HS3ST4: variants seen among roughly 807,000 people sequenced by gnomAD.
HS3ST4 encodes heparan sulfate-glucosamine 3-sulfotransferase 4, also known as heparan sulfate glucosamine 3-O-sulfotransferase 4.
A neutral mutation model predicts 29.2 loss-of-function variants in HS3ST4; 17 were observed. The ratio of observed to expected loss-of-function variants is 0.58; its 90% CI spans 0.40 to 0.87. The LOEUF is 0.87. Among genes scored for constraint, HS3ST4 ranks in the 40% least tolerant of loss-of-function variants. The pLI is 0.00. For missense variants in HS3ST4, 627 were observed against 634.5 expected (o/e 0.99, Z 0.13); for synonymous variants, 314 against 285.7 (o/e 1.10, Z -1.00).
chr16:26,030,479 A>G (rs1344413283), intron 1 of HS3ST4, among the ~76,000 whole-genome samples: 1 of 152,246 alleles, frequency 6.6e-6, no homozygotes, highest in Non-Finnish European at 1.5e-5. Context: ...AAATCAACGC[A>G]AAGCACCTGA....
intron 1 of HS3ST4, among the ~76,000 whole-genome samples, chr16:26,034,455 G>A (rs1021088899): frequency 6.6e-6 from 1 of 152,200 alleles, no homozygotes; most frequent in Admixed American, 6.5e-5. Flanking sequence ...CATGGATCCT[G>A]CTCTTATGCT....
intron 1 of HS3ST4, among the ~76,000 whole-genome samples, chr16:25,937,363 T>G (rs1028315443): frequency 1.3e-5 from 2 of 152,230 alleles, no homozygotes; most frequent in Non-Finnish European, 2.9e-5. Flanking sequence ...AGACTATTTA[T>G]TTTTACAAAC....
At chr16:26,068,938 A>G (rs1035049604) in intron 1 of HS3ST4, among the ~76,000 whole-genome samples, 2 of 152,000 alleles carry the variant, frequency 1.3e-5, no homozygotes, top group African/African-American at 4.8e-5. Flanking sequence ...ACTTCTGCCA[A>G]TATCTATATT....
At chr16:26,119,906 G>A (rs1354995813) in intron 1 of HS3ST4, among the ~76,000 whole-genome samples, 2 of 152,162 alleles carry the variant, frequency 1.3e-5, no homozygotes, top group South Asian at 2.1e-4. Context: ...ATAACAGCAA[G>A]CCGTAGGAAA....
intron 1 of HS3ST4, among the ~76,000 whole-genome samples, chr16:25,767,773 G>A (rs1294226523): frequency 6.6e-6 from 1 of 152,170 alleles, no homozygotes; most frequent in Non-Finnish European, 1.5e-5. Flanking sequence ...ATTTCTGAAT[G>A]GGAAGGGAAA....
chr16:25,934,988 G>A (rs1265289324), intron 1 of HS3ST4, among the ~76,000 whole-genome samples: 1 of 152,072 alleles, frequency 6.6e-6, no homozygotes, highest in African/African-American at 2.4e-5. Flanking sequence ...GATCATGAGG[G>A]TGGTTTCCCC....
intron 1 of HS3ST4, among the ~76,000 whole-genome samples, chr16:26,109,123 C>T (rs1899094348): frequency 1.3e-5 from 2 of 152,142 alleles, no homozygotes; most frequent in Non-Finnish European, 2.9e-5. Context: ...AATGCTCGTT[C>T]AATGCACTCT....
chr16:26,032,869 C>T lies in HS3ST4; in HGVS notation c.735-102743C>T, dbSNP rs143387660. ...GCTGGACGCGGGATGCAGTGGCGCGCGGGCTTTGGTCGGTCTGGGGGTCGT... is the reference window on the plus strand; with the variant it reads ...GCTGGACGCGGGATGCAGTGGCGCGTGGGCTTTGGTCGGTCTGGGGGTCGT... On this transcript the variant is annotated intron_variant, in intron 1 of 1. Coordinates refer to ENST00000331351, the MANE Select transcript of HS3ST4 (RefSeq NM_006040.3). The T allele has an allele frequency of 5.7e-4, 875 of 1,530,658 alleles. 3 individuals carry two copies. The African/African-American group carries it at 1.0e-2, about 17-fold the overall frequency. 94.8% of individuals were successfully genotyped at this position (1,530,658 alleles called of 1,614,324 possible).
intron 1 of HS3ST4, among the ~76,000 whole-genome samples, chr16:25,760,148 A>T (rs1966780757): frequency 6.6e-6 from 1 of 152,082 alleles, no homozygotes; most frequent in Non-Finnish European, 1.5e-5. Flanking sequence ...CCCTAACCCT[A>T]ACCCTAACAC....
intron 1 of HS3ST4, among the ~76,000 whole-genome samples, chr16:25,863,256 C>A (rs968864332): frequency 2.0e-5 from 3 of 151,936 alleles, no homozygotes; most frequent in African/African-American, 7.3e-5. Flanking sequence ...GCTAATTTTT[C>A]TATTTTAAGT....
At chr16:25,965,050 T>G (rs1393604134) in intron 1 of HS3ST4, among the ~76,000 whole-genome samples, 1 of 152,186 alleles carries the variant, frequency 6.6e-6, no homozygotes, top group Non-Finnish European at 1.5e-5. Flanking sequence ...ATTCACATGT[T>G]CACGCGAGAC....
intron 1 of HS3ST4, among the ~76,000 whole-genome samples, chr16:26,087,536 A>T (rs924754624): frequency 5.3e-5 from 8 of 151,918 alleles, no homozygotes; most frequent in African/African-American, 1.9e-4. Flanking sequence ...AGGTCCTCTG[A>T]TTGAAACCCT....
chr16:25,800,874 A>G (rs1167861431), intron 1 of HS3ST4, among the ~76,000 whole-genome samples: 1 of 152,168 alleles, frequency 6.6e-6, no homozygotes, highest in East Asian at 1.9e-4. Context: ...CAAAGCAGAA[A>G]ATGAGCCCTC....
At chr16:25,795,942 C>A (rs1051332957) in intron 1 of HS3ST4, among the ~76,000 whole-genome samples, 1 of 147,206 alleles carries the variant, frequency 6.8e-6, no homozygotes, top group Non-Finnish European at 1.5e-5. Flanking sequence ...ACTGTCAAAA[C>A]TCTTTTTTTT....
At position 26,134,523 on chromosome 16, in the gene HS3ST4, C is replaced by T. The variant is rs968834524; in HGVS notation, c.735-1089C>T. On this transcript the variant is annotated intron_variant, in intron 1 of 1. Transcript: ENST00000331351. ...GACTGCAGGCGCGTGCCACCATGCC[C>T]GGCTAATTTTTGTATTTTAGTAGTG... Among the ~76,000 whole-genome samples the T allele has an allele frequency of 1.5e-4, 23 of 151,586 alleles. No homozygotes were observed. The East Asian group carries it at 1.5e-3, about 10-fold the overall frequency.
intron 1 of HS3ST4, among the ~76,000 whole-genome samples, chr16:26,091,549 TG>T (rs1898857463): frequency 6.6e-6 from 1 of 152,164 alleles, no homozygotes; most frequent in Admixed American, 6.6e-5. Context: ...AGATATACCA[TG>T]GGGTCTAGCT....
intron 1 of HS3ST4, among the ~76,000 whole-genome samples, chr16:26,130,086 G>A (rs542941396): frequency 2.0e-5 from 3 of 152,326 alleles, no homozygotes; most frequent in East Asian, 3.9e-4. Context: ...CCAGGAGAGT[G>A]CAGTGGGGAC....
intron 1 of HS3ST4, among the ~76,000 whole-genome samples, chr16:25,838,332 C>CT (rs1316762830): frequency 3.3e-5 from 5 of 152,168 alleles, no homozygotes; most frequent in Non-Finnish European, 7.3e-5. Flanking sequence ...GATTCATTCT[C>CT]TTTATTGCAT....
intron 1 of HS3ST4, among the ~76,000 whole-genome samples, chr16:25,766,457 C>T (rs925027171): frequency 6.6e-6 from 1 of 152,112 alleles, no homozygotes; most frequent in Non-Finnish European, 1.5e-5. Context: ...GGTCAGTACC[C>T]AGAGAGAAGC....
Sources: allele counts gnomAD v4.1 joint callset (sites outside exome capture counted in the v4.1 genomes callset), GRCh38; gene constraint gnomAD v4.1.1; transcripts MANE v1.5; gene names NCBI Gene and HGNC (gene_info 2026-07-23, HGNC 2026-07-21).